The following TIMELESS variants were observed in gnomAD, a reference collection of about 807,000 sequenced individuals.
TIMELESS encodes protein timeless homolog.
TIMELESS carries 124 observed loss-of-function variants against 164.3 expected under a neutral mutation model. The observed-to-expected ratio is 0.75, with a 90% confidence interval of 0.65 to 0.88. The LOEUF (loss-of-function observed/expected upper bound fraction) is 0.88. TIMELESS is among the 40% of genes least tolerant of loss of function. The pLI is 0.00. For synonymous variants in TIMELESS, 564 were observed against 563.4 expected, an observed-to-expected ratio of 1.00 and a Z score of -0.02; for missense variants, 1,422 against 1,491.4, an observed-to-expected ratio of 0.95 and a Z score of 0.77.
intron 10 of TIMELESS, among the ~76,000 whole-genome samples, 162 bp from the exon 11 acceptor site, chr12:56,429,262 G>A (rs1455431759): frequency 6.6e-6 from 1 of 151,704 alleles, no homozygotes; most frequent in Non-Finnish European, 1.5e-5. Flanking sequence ...GCAATGGCAT[G>A]ATCTCGGCTC....
At position 56,424,900 on chromosome 12, in the gene TIMELESS, C is replaced by A. The variant is rs1208080082; in HGVS notation, c.1730G>T (p.Ser577Ile). The stretch of plus-strand genomic sequence containing the variant: ...ATCAAAGGGAACCACGGAGTCCATG[C>A]TGAGCTCAGAATTCTAGAGATGGAT... ...LQCCAQNSEL[S>I]MDSVVPFDAA... is the part of the protein sequence containing the mutation. Residue 577 changes from serine (S) to isoleucine (I), a missense_variant, in exon 15 of 29, where the codon AGC becomes ATC. Ser to Ile is a moderately radical substitution (Grantham distance 142). Coordinates refer to ENST00000553532, the MANE Select transcript of TIMELESS (RefSeq NM_003920.5). The A allele has an allele frequency of 6.2e-7, 1 of 1,614,104 alleles. No individual in the cohort carries two copies. The highest frequency in any genetic ancestry group is 2.2e-5 in the East Asian group (1 of 44,900).
intron 26 of TIMELESS, among the ~76,000 whole-genome samples, chr12:56,420,262 CA>C (rs1881421880): frequency 6.6e-6 from 1 of 151,672 alleles, no homozygotes; most frequent in African/African-American, 2.4e-5. Context: ...TATCTGTGGG[CA>C]GGGGGGTCCT....
At chr12:56,429,807 C>A (rs868153642) in intron 10 of TIMELESS, among the ~76,000 whole-genome samples, 2 of 151,662 alleles carry the variant, frequency 1.3e-5, no homozygotes, top group South Asian at 2.1e-4. Flanking sequence ...TGAGCCACCA[C>A]GCCGGGACAC....
At chr12:56,424,678 T>C in intron 15 of TIMELESS, 84 bp downstream of exon 15, 1 of 1,509,876 alleles carries the variant, frequency 6.6e-7, no homozygotes, top group Non-Finnish European at 8.9e-7. Flanking sequence ...GACAACTCTC[T>C]TTTGAAGACT....
intron 1 of TIMELESS, among the ~76,000 whole-genome samples, chr12:56,438,126 C>T (rs550750578): frequency 6.6e-6 from 1 of 152,234 alleles, no homozygotes; most frequent in Admixed American, 6.5e-5. Flanking sequence ...ACTGCAACCT[C>T]TGCCTCCCTC....
chr12:56,440,133 CTTTTTT>C (rs33978004), intron 1 of TIMELESS, among the ~76,000 whole-genome samples: 3 of 87,648 alleles, frequency 3.4e-5, no homozygotes, highest in Non-Finnish European at 4.4e-5. Context: ...TCAAATTAAC[CTTTTTT>C]TTTTTTTTTT....
chr12:56,446,610 C>T (rs1184424062), intron 1 of TIMELESS, among the ~76,000 whole-genome samples: 3 of 151,978 alleles, frequency 2.0e-5, no homozygotes, highest in Non-Finnish European at 2.9e-5. Flanking sequence ...GCGGATGGAT[C>T]GCCTGAGGTC....
chr12:56,432,276 A>C (rs1592251399), intron 7 of TIMELESS, 93 bp downstream of exon 7: 6 of 1,448,016 alleles, frequency 4.1e-6, no homozygotes. Flanking sequence ...TGCCTTCCCC[A>C]GATAATGCAG....
Position 56,421,468 on chromosome 12 carries a change from A to G in TIMELESS, c.2751T>C (p.Asn917=). Residue 917 remains asparagine (N), a synonymous_variant, in exon 23 of 29, where the codon AAT becomes AAC. Coordinates refer to ENST00000553532, the MANE Select transcript of TIMELESS (RefSeq NM_003920.5). ...SDDVLGHIMK[N]ITAKRSRARI... is the part of the protein sequence containing the mutation. ...GGGCCCGTGAGCGTTTGGCTGTGATATTCTTCATGATATGACCCAGGACAT... is the reference window on the plus strand; with the variant it reads ...GGGCCCGTGAGCGTTTGGCTGTGATGTTCTTCATGATATGACCCAGGACAT... 5 of 1,613,902 alleles carry G rather than the reference A, an allele frequency of 3.1e-6. No individual in the cohort carries two copies. The highest frequency in any genetic ancestry group is 3.4e-6 in the Non-Finnish European group (4 of 1,179,866).
At chr12:56,443,228 AC>A (rs943813482) in intron 1 of TIMELESS, among the ~76,000 whole-genome samples, 3 of 152,138 alleles carry the variant, frequency 2.0e-5, no homozygotes, top group Non-Finnish European at 4.4e-5. Flanking sequence ...GAGAAATATC[AC>A]TGAATTCTTT....
At chr12:56,436,369 G>A (rs545379969) in intron 1 of TIMELESS, among the ~76,000 whole-genome samples, 10 of 152,158 alleles carry the variant, frequency 6.6e-5, no homozygotes, top group African/African-American at 2.2e-4. Flanking sequence ...CAGGAGAATC[G>A]CTTTAACCCG....
At chr12:56,426,869 T>C (rs1881696161) in intron 13 of TIMELESS, among the ~76,000 whole-genome samples, 1 of 151,958 alleles carries the variant, frequency 6.6e-6, no homozygotes, top group Admixed American at 6.6e-5. Context: ...CCAAAATCTG[T>C]TTATACAAAG....
chr12:56,420,471 A>AC (rs1292550005), intron 26 of TIMELESS, 98 bp downstream of exon 26: 8 of 911,844 alleles, frequency 8.8e-6, no homozygotes, highest in Non-Finnish European at 1.3e-5. Flanking sequence ...GATGACGATA[A>AC]GGATAAGGAG....
chr12:56,425,134 T>G lies in TIMELESS; in HGVS notation c.1597A>C (p.Arg533=), dbSNP rs564736667. The stretch of plus-strand genomic sequence containing the variant: ...TCTAGGACCTTCTTCTTCTTCTTCC[T>G]TCTCTTCTTTTGTTTGTTCTGTGGG... ...LVVQNKQKKR[R]KKKKKVLDQA... is the part of the protein sequence containing the mutation. Residue 533 remains arginine (R), a synonymous_variant, in exon 14 of 29, where the codon AGG becomes CGG. Coordinates refer to ENST00000553532, the MANE Select transcript of TIMELESS (RefSeq NM_003920.5). The G allele has an allele frequency of 6.2e-7, 1 of 1,613,696 alleles. No individual in the cohort carries two copies. The highest frequency in any genetic ancestry group is 1.1e-5 in the South Asian group (1 of 91,076).
chr12:56,431,000 T>C, intron 8 of TIMELESS, 32 bp from the exon 9 acceptor site: 1 of 1,448,224 alleles, frequency 6.9e-7, no homozygotes, highest in Non-Finnish European at 9.4e-7. Flanking sequence ...AGGTGATTTT[T>C]CAGTTCTCTG....
intron 13 of TIMELESS, among the ~76,000 whole-genome samples, chr12:56,427,574 A>C (rs1881718655): frequency 6.6e-6 from 1 of 151,908 alleles, no homozygotes; most frequent in Non-Finnish European, 1.5e-5. Flanking sequence ...AGTTCAATTT[A>C]AGGCTCTCTT....
chr12:56,426,357 G>A (rs527416463), intron 13 of TIMELESS, among the ~76,000 whole-genome samples: 1 of 150,702 alleles, frequency 6.6e-6, no homozygotes, highest in South Asian at 2.1e-4. Flanking sequence ...GTAGCAACTA[G>A]AGTTATAGGA....
chr12:56,423,540 C>T (rs1881571225), intron 17 of TIMELESS, 44 bp downstream of exon 17: 3 of 1,612,788 alleles, frequency 1.9e-6, no homozygotes, highest in Non-Finnish European at 1.7e-6. Context: ...CTCACAGCCG[C>T]ACAATCGCCA....
At chr12:56,428,481 C>T in intron 12 of TIMELESS, 68 bp downstream of exon 12, 1 of 1,608,496 alleles carries the variant, frequency 6.2e-7, no homozygotes, top group Non-Finnish European at 8.5e-7. Context: ...GAAGCTGGGA[C>T]TGGGAAGAAT....
Sources: gnomAD v4.1 joint callset for allele counts (sites outside exome capture counted in the v4.1 genomes callset) on GRCh38, gnomAD v4.1.1 for gene constraint, MANE v1.5 for transcripts, NCBI Gene and HGNC (gene_info 2026-07-23, HGNC 2026-07-21) for gene names.